The following TEAD1 variants were observed in gnomAD, a reference collection of about 807,000 sequenced individuals.
TEAD1 encodes transcriptional enhancer factor TEF-1.
Under a neutral mutation model 54.9 loss-of-function variants are expected in TEAD1, and 9 were observed. The ratio of observed to expected loss-of-function variants is 0.16; its 90% confidence interval spans 0.10 to 0.29. TEAD1 has a LOEUF of 0.29. Among genes scored for constraint, TEAD1 ranks in the 10% least tolerant of loss-of-function variants. The pLI is 1.00. For missense variants in TEAD1, 387 were observed against 535.9 expected, an observed-to-expected ratio of 0.72 and a Z score of 2.74; for synonymous variants, 200 against 187.8, an observed-to-expected ratio of 1.07 and a Z score of -0.53.
intron 10 of TEAD1, among the ~76,000 whole-genome samples, chr11:12,909,009 T>C (rs1948573020): frequency 6.6e-6 from 1 of 152,046 alleles, no homozygotes; most frequent in Non-Finnish European, 1.5e-5. Context: ...AGTTACTCTC[T>C]CAGGCCATGC....
At chr11:12,785,891 G>GT (rs1158820563) in intron 3 of TEAD1, among the ~76,000 whole-genome samples, 6 of 151,900 alleles carry the variant, frequency 3.9e-5, no homozygotes, top group Admixed American at 1.3e-4. Context: ...TACTAACTTA[G>GT]TTTTTTTTTC....
chr11:12,743,594 C>T (rs916842026), intron 2 of TEAD1, among the ~76,000 whole-genome samples: 2 of 152,174 alleles, frequency 1.3e-5, no homozygotes, highest in South Asian at 4.1e-4. Context: ...TGCTAGGCAT[C>T]TTGGTAATTG....
rs1371985711 is a variant in TEAD1, at chr11:12,944,310, AC to A, written c.*7090del. On this transcript the variant is annotated 3_prime_UTR_variant, in exon 13 of 13. Transcript: ENST00000527636. ...AAACTTTCAAAAGGCATTTGATTAAACCTCTTGGCAGTACAGTATTCTTGTA... is the reference window on the plus strand; with the variant it reads ...AAACTTTCAAAAGGCATTTGATTAAACTCTTGGCAGTACAGTATTCTTGTA... 6.6e-6 allele frequency: 1 copy of A among 152,086 alleles called. No homozygotes were observed. Among genetic ancestry groups the A allele is most frequent in the Non-Finnish European group, 1.5e-5 (1 of 67,928 alleles). 9.4% of individuals were successfully genotyped at this position (152,086 alleles called of 1,614,324 possible).
intron 2 of TEAD1, among the ~76,000 whole-genome samples, chr11:12,717,915 T>A (rs1944099181): frequency 6.6e-6 from 1 of 152,216 alleles, no homozygotes; most frequent in East Asian, 1.9e-4. Context: ...TTAATAGAAG[T>A]ACCTTCCTCA....
chr11:12,783,035 T>TCA (rs1334159678), intron 3 of TEAD1, among the ~76,000 whole-genome samples: 1 of 151,724 alleles, frequency 6.6e-6, no homozygotes, highest in East Asian at 1.9e-4. Context: ...AAAAGAGTAA[T>TCA]CACCGTCAGT....
intron 1 of TEAD1, among the ~76,000 whole-genome samples, chr11:12,675,123 C>A (rs1250103398): frequency 6.7e-6 from 1 of 148,186 alleles, no homozygotes; most frequent in Non-Finnish European, 1.5e-5. Flanking sequence ...CCGCGCCCCC[C>A]GCGCGCCCCC....
At chr11:12,896,198 A>G (rs1948312549) in intron 9 of TEAD1, among the ~76,000 whole-genome samples, 1 of 152,170 alleles carries the variant, frequency 6.6e-6, no homozygotes, top group Non-Finnish European at 1.5e-5. Flanking sequence ...AGCTACACCA[A>G]TTCACCCTCA....
intron 2 of TEAD1, among the ~76,000 whole-genome samples, chr11:12,729,259 C>T (rs1379606556): frequency 6.6e-6 from 1 of 152,240 alleles, no homozygotes; most frequent in African/African-American, 2.4e-5. Flanking sequence ...AGGCCTCTCT[C>T]TTGCTGCTTG....
At chr11:12,790,612 C>G (rs983761390) in intron 3 of TEAD1, among the ~76,000 whole-genome samples, 2 of 152,198 alleles carry the variant, frequency 1.3e-5, no homozygotes, top group Non-Finnish European at 2.9e-5. Flanking sequence ...ATTAAAGAAT[C>G]TCAGATGAAT....
intron 3 of TEAD1, among the ~76,000 whole-genome samples, chr11:12,798,988 G>A (rs926138259): frequency 3.3e-5 from 5 of 152,184 alleles, no homozygotes; most frequent in African/African-American, 9.7e-5. Context: ...CTGGCACCCT[G>A]TTAGAATAAA....
chr11:12,723,895 AGTTGGT>A (rs1270134439), intron 2 of TEAD1, among the ~76,000 whole-genome samples: 1 of 152,140 alleles, frequency 6.6e-6, no homozygotes, highest in Non-Finnish European at 1.5e-5. Flanking sequence ...TTGTTTTTCA[AGTTGGT>A]CTTGAATAAG....
At chr11:12,796,974 G>A (rs1254141982) in intron 3 of TEAD1, among the ~76,000 whole-genome samples, 3 of 152,156 alleles carry the variant, frequency 2.0e-5, no homozygotes, top group Admixed American at 2.0e-4. Flanking sequence ...TTAGCTGGGT[G>A]TGGTGGCGGG....
intron 2 of TEAD1, among the ~76,000 whole-genome samples, chr11:12,715,600 A>G (rs1944042493): frequency 1.3e-5 from 2 of 152,126 alleles, no homozygotes; most frequent in African/African-American, 2.4e-5. Context: ...TGCTGGAGAC[A>G]GGCCTACTGG....
chr11:12,871,497 T>A (rs1451280157), intron 5 of TEAD1, among the ~76,000 whole-genome samples: 3 of 152,222 alleles, frequency 2.0e-5, no homozygotes, highest in African/African-American at 7.2e-5. Context: ...TTAAGCAGTC[T>A]TTTTCCTACT....
At chr11:12,894,882 A>G (rs1239084129) in intron 9 of TEAD1, among the ~76,000 whole-genome samples, 1 of 152,180 alleles carries the variant, frequency 6.6e-6, no homozygotes, top group Non-Finnish European at 1.5e-5. Flanking sequence ...TCCTTGCATT[A>G]TCTCATTTAA....
At chr11:12,712,620 T>C (rs535754769) in intron 2 of TEAD1, among the ~76,000 whole-genome samples, 177 of 152,324 alleles carry the variant, frequency 1.2e-3, no homozygotes, top group South Asian at 3.5e-3. Context: ...TTAAATGTTA[T>C]TACCACCACC....
intron 9 of TEAD1, among the ~76,000 whole-genome samples, chr11:12,894,581 T>C (rs1217918099): frequency 6.6e-6 from 1 of 152,118 alleles, no homozygotes; most frequent in African/African-American, 2.4e-5. Context: ...GAAGCAGGTA[T>C]CTGGAGAGGG....
chr11:12,917,997 T>C (rs1043225921), intron 10 of TEAD1, among the ~76,000 whole-genome samples: 1 of 152,240 alleles, frequency 6.6e-6, no homozygotes, highest in African/African-American at 2.4e-5. Flanking sequence ...TATTTACTTT[T>C]AGAAAATATC....
intron 3 of TEAD1, among the ~76,000 whole-genome samples, chr11:12,787,614 A>T (rs925755743): frequency 1.3e-5 from 2 of 152,230 alleles, no homozygotes; most frequent in African/African-American, 4.8e-5. Context: ...TGATCTTTAA[A>T]AGTAGAGAAG....
Sources: gnomAD v4.1 joint callset for allele counts (sites outside exome capture counted in the v4.1 genomes callset) on GRCh38, gnomAD v4.1.1 for gene constraint, MANE v1.5 for transcripts, NCBI Gene and HGNC (gene_info 2026-07-23, HGNC 2026-07-21) for gene names.